The following TBC1D19 variants were observed in gnomAD, a reference collection of about 807,000 sequenced individuals.
The protein encoded by TBC1D19 is TBC1 domain family, member 19.
Under a neutral mutation model 89.0 loss-of-function variants are expected in TBC1D19, and 60 were observed. The ratio of observed to expected loss-of-function variants is 0.67; its 90% CI spans 0.55 to 0.84. TBC1D19 has a LOEUF of 0.84. TBC1D19 is among the 40% of genes least tolerant of loss of function. The pLI is 0.00. For missense variants in TBC1D19, 500 were observed against 610.8 expected (o/e 0.82, Z 1.91); for synonymous variants, 189 against 199.7 (o/e 0.95, Z 0.45).
intron 13 of TBC1D19, among the ~76,000 whole-genome samples, chr4:26,710,929 C>T (rs555626108): frequency 6.2e-4 from 95 of 152,146 alleles, no homozygotes; most frequent in African/African-American, 2.3e-3. Flanking sequence ...TGGATGTTAG[C>T]CCTTTGTCAG....
intron 4 of TBC1D19, among the ~76,000 whole-genome samples, chr4:26,630,952 T>A (rs984974137): frequency 5.3e-5 from 8 of 152,048 alleles, no homozygotes; most frequent in Non-Finnish European, 1.2e-4. Context: ...TGCTTGCTTC[T>A]TCATCTTGGA....
chr4:26,604,158 T>G (rs1377839916), intron 1 of TBC1D19, among the ~76,000 whole-genome samples: 2 of 146,500 alleles, frequency 1.4e-5, no homozygotes, highest in Admixed American at 1.3e-4. Context: ...CTTTTTTTTT[T>G]TTTTTTTTTT....
At chr4:26,752,580 T>C (rs1381144537) in intron 19 of TBC1D19, among the ~76,000 whole-genome samples, 1 of 152,120 alleles carries the variant, frequency 6.6e-6, no homozygotes, top group African/African-American at 2.4e-5. Flanking sequence ...TTCCTAAACT[T>C]CAATGACTTG....
Position 26,742,513 on chromosome 4 carries a change from T to C in TBC1D19, c.1233T>C (p.Ile411=). The C allele has an allele frequency of 6.2e-7, 1 of 1,607,910 alleles. No individual in the cohort carries two copies. The highest frequency in any genetic ancestry group is 2.2e-5 in the East Asian group (1 of 44,662). ...TGATTCATTATTGTATCCAGGGTAT[T>C]GTGTCACTCTGTCTGCTGTTTGAAA... ...LHSISSHPSG[I]VSLCLLFETL... is the part of the protein sequence containing the mutation. Residue 411 remains isoleucine, a synonymous_variant, in exon 18 of 21, where the codon ATT becomes ATC. Coordinates refer to ENST00000264866, the MANE Select transcript of TBC1D19 (RefSeq NM_018317.4).
At chr4:26,791,872 G>A in the TBC1D19 span, among the ~76,000 whole-genome samples, 1 of 152,168 alleles carries the variant, frequency 6.6e-6, no homozygotes, top group Non-Finnish European at 1.5e-5. Context: ...TATGCAGTTG[G>A]ATCAGGGGAA....
chr4:26,816,821 A>G, the TBC1D19 span, among the ~76,000 whole-genome samples: 1 of 152,240 alleles, frequency 6.6e-6, no homozygotes, highest in Non-Finnish European at 1.5e-5. Context: ...ACTGTTCCAG[A>G]TTAAAGAATG....
At chr4:26,740,047 CT>C in intron 17 of TBC1D19, 74 bp downstream of exon 17, 1 of 964,242 alleles carries the variant, frequency 1.0e-6, no homozygotes, top group Non-Finnish European at 1.5e-6. Context: ...AAGAAAAAGT[CT>C]TCTACTCAAA....
chr4:26,813,806 T>C, the TBC1D19 span, among the ~76,000 whole-genome samples: 1 of 152,300 alleles, frequency 6.6e-6, no homozygotes, highest in African/African-American at 2.4e-5. Context: ...CCCATGAGGA[T>C]GGCCTCATGC....
chr4:26,623,343 G>T (rs952692543), intron 4 of TBC1D19, among the ~76,000 whole-genome samples: 2 of 152,076 alleles, frequency 1.3e-5, no homozygotes, highest in African/African-American at 2.4e-5. Context: ...ACTTCCAGTG[G>T]ATTCTTTTTG....
the TBC1D19 span, among the ~76,000 whole-genome samples, chr4:26,784,136 A>G: frequency 4.2e-4 from 64 of 152,242 alleles, no homozygotes; most frequent in African/African-American, 1.5e-3. Flanking sequence ...CCTCAATAAA[A>G]ACTTCTTCAT....
chr4:26,594,480 G>A (rs1235744131), intron 1 of TBC1D19, among the ~76,000 whole-genome samples: 1 of 151,942 alleles, frequency 6.6e-6, no homozygotes, highest in Non-Finnish European at 1.5e-5. Context: ...TGTGACTAGT[G>A]AGCCTTATCT....
chr4:26,806,093 C>T, the TBC1D19 span, among the ~76,000 whole-genome samples: 1 of 152,182 alleles, frequency 6.6e-6, no homozygotes, highest in Non-Finnish European at 1.5e-5. Flanking sequence ...GTGCCTCCTT[C>T]ATCTCCCTAT....
the TBC1D19 span, among the ~76,000 whole-genome samples, chr4:26,776,473 A>G: frequency 1.3e-5 from 2 of 152,200 alleles, no homozygotes; most frequent in Non-Finnish European, 2.9e-5. Context: ...CACTATGTCT[A>G]CATTGTCAGA....
chr4:26,693,492 G>A (rs942647039), intron 13 of TBC1D19, among the ~76,000 whole-genome samples: 7 of 152,066 alleles, frequency 4.6e-5, no homozygotes, highest in Non-Finnish European at 1.0e-4. Flanking sequence ...CCAGGAATTT[G>A]GGACCAGCCC....
chr4:26,797,661 T>A, the TBC1D19 span, among the ~76,000 whole-genome samples: 1 of 152,164 alleles, frequency 6.6e-6, no homozygotes, highest in Admixed American at 6.5e-5. Context: ...CAAACTATAG[T>A]AACTGAAACA....
At chr4:26,673,266 T>C (rs1455757164) in intron 10 of TBC1D19, among the ~76,000 whole-genome samples, 1 of 151,654 alleles carries the variant, frequency 6.6e-6, no homozygotes, top group African/African-American at 2.4e-5. Flanking sequence ...ATAGAATAGA[T>C]AGCTAACATT....
At chr4:26,714,249 G>A (rs992196876) in intron 13 of TBC1D19, among the ~76,000 whole-genome samples, 1 of 150,688 alleles carries the variant, frequency 6.6e-6, no homozygotes, top group Admixed American at 6.6e-5. Context: ...TTAATGCATT[G>A]TTTGTTTGTT....
intron 7 of TBC1D19, among the ~76,000 whole-genome samples, chr4:26,652,631 T>C (rs1408262512): frequency 6.6e-6 from 1 of 152,194 alleles, no homozygotes; most frequent in Admixed American, 6.5e-5. Flanking sequence ...CCATTTCTTC[T>C]AGATTTTTCT....
chr4:26,753,780 G>T, intron 19 of TBC1D19, 40 bp from the exon 20 acceptor site: 2 of 1,612,142 alleles, frequency 1.2e-6, no homozygotes, highest in South Asian at 1.1e-5. Context: ...CCGGGCTGAT[G>T]AGTAGGCCAG....
Sources: allele counts gnomAD v4.1 joint callset (sites outside exome capture counted in the v4.1 genomes callset), GRCh38; gene constraint gnomAD v4.1.1; transcripts MANE v1.5; gene names NCBI Gene and HGNC (gene_info 2026-07-23, HGNC 2026-07-21).